The following AGO3 variants were observed in gnomAD, a reference collection of about 807,000 sequenced individuals.
AGO3 encodes argonaute RISC catalytic component 3, also known as protein argonaute-3.
In AGO3, 16 loss-of-function variants were observed where a neutral mutation model predicts 105.5. That is an observed-to-expected ratio of 0.15 (90% CI 0.10 to 0.23). The LOEUF is 0.23. Among genes scored for constraint, AGO3 ranks in the 10% least tolerant of loss-of-function variants. AGO3 has a pLI of 1.00. For synonymous variants in AGO3, 340 were observed against 367.3 expected (o/e 0.93, Z 0.85); for missense variants, 534 against 1,088.0 (o/e 0.49, Z 7.16).
chr1:35,962,529 C>T (rs544592456), intron 2 of AGO3, among the ~76,000 whole-genome samples: 63 of 145,946 alleles, frequency 4.3e-4, no homozygotes, highest in Non-Finnish European at 6.4e-4. Flanking sequence ...GGTGACAGAG[C>T]GAGACTCCCT....
chr1:35,986,210 C>G (rs1391050721), intron 5 of AGO3, among the ~76,000 whole-genome samples: 1 of 152,154 alleles, frequency 6.6e-6, no homozygotes, highest in Non-Finnish European at 1.5e-5. Context: ...ACTTAAAACC[C>G]ATAAAGAGAT....
intron 3 of AGO3, among the ~76,000 whole-genome samples, chr1:35,967,790 T>C (rs1646801425): frequency 6.6e-6 from 1 of 152,202 alleles, no homozygotes; most frequent in African/African-American, 2.4e-5. Flanking sequence ...TCATTAAATT[T>C]AACATTGATA....
intron 8 of AGO3, 111 bp downstream of exon 8, chr1:36,009,155 TTTTAA>T: frequency 7.9e-7 from 1 of 1,259,290 alleles, no homozygotes; most frequent in African/African-American, 1.6e-5. Flanking sequence ...TATGAACTGT[TTTTAA>T]GTTTTAATTT....
intron 9 of AGO3, among the ~76,000 whole-genome samples, chr1:36,010,097 C>A (rs576211453): frequency 6.6e-6 from 1 of 151,928 alleles, no homozygotes; most frequent in Non-Finnish European, 1.5e-5. Flanking sequence ...TGCCACCACG[C>A]CTGGCTAATT....
In AGO3 at chr1:36,071,640, T is replaced by C. The variant is rs1643168333; in HGVS notation, c.*15895T>C. On this transcript the variant is annotated 3_prime_UTR_variant, in exon 19 of 19. Transcript: ENST00000373191. The stretch of plus-strand genomic sequence containing the variant: ...CCTGGCCTTTTTTGTTGTTGTTGGC[T>C]TTTCATAAGTAAGAAAAATTTATTG... The C allele has an allele frequency of 6.6e-6, 1 of 152,224 alleles. No homozygotes were observed. Among genetic ancestry groups the C allele is most frequent in the Non-Finnish European group, 1.5e-5 (1 of 68,040 alleles). The allele number at this position is 152,224 out of a possible 1,614,324, so 9.4% of individuals were successfully genotyped here. A position where few individuals can be genotyped will look rare whatever the true frequency, so the allele number is the denominator to read the frequency against.
At chr1:35,965,398 G>A (rs1292857307) in intron 2 of AGO3, among the ~76,000 whole-genome samples, 1 of 151,010 alleles carries the variant, frequency 6.6e-6, no homozygotes, top group Non-Finnish European at 1.5e-5. Context: ...GCTGAGGCAG[G>A]AGAATTGCTG....
intron 5 of AGO3, among the ~76,000 whole-genome samples, chr1:35,977,626 CAA>C (rs1378142266): frequency 1.3e-5 from 2 of 152,102 alleles, no homozygotes; most frequent in Non-Finnish European, 2.9e-5. Flanking sequence ...CTCCTGGTCT[CAA>C]GAGATCTGCC....
At chr1:35,969,405 A>G (rs1313724413) in intron 3 of AGO3, among the ~76,000 whole-genome samples, 1 of 152,176 alleles carries the variant, frequency 6.6e-6, no homozygotes, top group Non-Finnish European at 1.5e-5. Context: ...GATTTTGATT[A>G]TTCTTGCTTG....
In AGO3 at chr1:35,996,641, G is replaced by A. The variant is rs188929874; in HGVS notation, c.659-7700G>A. On this transcript the variant is annotated intron_variant, in intron 5 of 18. Transcript: ENST00000373191. ...CAAAAATTAGGCAGGTGTGGTGGTG[G>A]TCACCTATAGTCCCAGCTACTCAGG... Among the ~76,000 whole-genome samples the A allele has an allele frequency of 1.8e-3, 276 of 151,858 alleles. 2 individuals carry two copies. The highest frequency in any genetic ancestry group is 5.2e-4 in the Non-Finnish European group (35 of 67,938).
In AGO3 at chr1:36,008,939, A is replaced by G. The variant is rs200735551; in HGVS notation, c.924A>G (p.Thr308=). 2 of 1,613,896 alleles carry G rather than the reference A, an allele frequency of 1.2e-6. No homozygotes were observed. Among genetic ancestry groups the G allele is most frequent in the East Asian group, 2.2e-5 (1 of 44,814 alleles). Residue 308 remains threonine (T), a synonymous_variant, in exon 8 of 19, where the codon ACA becomes ACG. Transcript: ENST00000373191. This position sits in a 1 kb window ranked among gnomAD's most constrained non-coding sequence, Gnocchi z 5.1. ...AAAACGGCCAAACTGTGGAGAGAAC[A>G]GTAGCGCAGTATTTCAGAGAAAAGT... ...QLENGQTVER[T]VAQYFREKYT...
chr1:36,018,707 A>AG lies in AGO3; in HGVS notation c.1406+4661dup, dbSNP rs570408472. ...TGGCCTCCCAAAGTGCTGGGATTAC[A>AG]GGCATGAGCCACCACACCTGGCCAA... is the stretch of plus-strand genomic sequence containing the variant. On this transcript the variant is annotated intron_variant, in intron 11 of 18. Transcript: ENST00000373191. Among the ~76,000 whole-genome samples, 864 of 152,338 alleles carry AG rather than the reference A, an allele frequency of 5.7e-3. 6 individuals carry two copies. The highest frequency in any genetic ancestry group is 8.0e-3 in the Non-Finnish European group (547 of 68,022).
Position 36,027,680 on chromosome 1 carries a change from G to GGGGC in AGO3, c.1591+382_1591+383insGGGC, listed in dbSNP as rs1454230082. ...TGTGGTCCCAGCCACTCAGGAGGCT[G>GGGGC]AGGCAGGAGAATGGCGTGAACCCAG... On this transcript the variant is annotated intron_variant, in intron 12 of 18. Coordinates refer to ENST00000373191, the MANE Select transcript of AGO3 (RefSeq NM_024852.4). This position sits in a 1 kb window ranked among gnomAD's most constrained non-coding sequence, Gnocchi z 4.0. 2.0e-5 allele frequency among the ~76,000 whole-genome samples: 3 copies of GGGGC among 151,980 alleles called. No individual in the cohort carries two copies. Among genetic ancestry groups the GGGGC allele is most frequent in the Non-Finnish European group, 4.4e-5 (3 of 68,016 alleles).
chr1:36,021,704 T>C (rs1641234511), intron 11 of AGO3, among the ~76,000 whole-genome samples: 1 of 152,182 alleles, frequency 6.6e-6, no homozygotes, highest in Non-Finnish European at 1.5e-5. Flanking sequence ...TGAAAACACT[T>C]GGCCCAAATA....
At chr1:36,009,975 G>A (rs1001214607) in intron 9 of AGO3, among the ~76,000 whole-genome samples, 1 of 85,370 alleles carries the variant, frequency 1.2e-5, no homozygotes, top group Non-Finnish European at 2.1e-5. Flanking sequence ...GTCTTGCTTT[G>A]TCACCCAGGC....
At chr1:35,994,149 A>G (rs542412126) in intron 5 of AGO3, among the ~76,000 whole-genome samples, 9 of 138,892 alleles carry the variant, frequency 6.5e-5, no homozygotes, top group Admixed American at 2.4e-4. Context: ...CTCCCGAGCT[A>G]TGCTGCTCAG....
At chr1:36,016,077 C>T (rs1053746201) in intron 11 of AGO3, among the ~76,000 whole-genome samples, 15 of 152,160 alleles carry the variant, frequency 9.9e-5, no homozygotes, top group Non-Finnish European at 1.8e-4. Context: ...TGGCATTTGC[C>T]TTATTTGAAG....
chr1:35,989,042 A>G (rs946464064), intron 5 of AGO3, among the ~76,000 whole-genome samples: 2 of 152,188 alleles, frequency 1.3e-5, no homozygotes, highest in African/African-American at 4.8e-5. Flanking sequence ...TGAACTTGAA[A>G]TCAGCTGGAG....
At chr1:35,996,330 A>G (rs1639808822) in intron 5 of AGO3, among the ~76,000 whole-genome samples, 1 of 152,142 alleles carries the variant, frequency 6.6e-6, no homozygotes, top group Admixed American at 6.5e-5. Context: ...TCTTAAAAAA[A>G]AAAAAAAATG....
rs1381380218 is a variant in AGO3, at chr1:36,008,589, T to A, written c.794-101T>A. On this transcript the variant is annotated intron_variant, in intron 6 of 18. Coordinates refer to ENST00000373191, the MANE Select transcript of AGO3 (RefSeq NM_024852.4). This position sits in a 1 kb window ranked among gnomAD's most constrained non-coding sequence, Gnocchi z 5.1. ...CTTGCCTGTATCACAGAATTTTTTGTCTGTTCAGAATTGAGTTTTTATGGT... is the reference window on the plus strand; with the variant it reads ...CTTGCCTGTATCACAGAATTTTTTGACTGTTCAGAATTGAGTTTTTATGGT... The A allele has an allele frequency of 9.4e-7, 1 of 1,058,992 alleles. No homozygotes were observed. 65.6% of individuals were successfully genotyped at this position (1,058,992 alleles called of 1,614,324 possible).
Sources: allele counts gnomAD v4.1 joint callset (sites outside exome capture counted in the v4.1 genomes callset), GRCh38; gene constraint gnomAD v4.1.1; non-coding constraint Gnocchi (gnomAD v3.1); transcripts MANE v1.5; gene names NCBI Gene and HGNC (gene_info 2026-07-23, HGNC 2026-07-21).